OPCML: variants seen among roughly 807,000 people sequenced by gnomAD.
OPCML encodes the protein opioid-binding protein/cell adhesion molecule.
In OPCML, 13 loss-of-function variants were observed where a neutral mutation model predicts 37.8. That is an observed-to-expected ratio of 0.34 (90% CI 0.22 to 0.55). The LOEUF (loss-of-function observed/expected upper bound fraction) is 0.55, where lower values mean the gene tolerates loss of function less well. Among genes scored for constraint, OPCML ranks in the 20% least tolerant of loss-of-function variants. The probability of loss-of-function intolerance (pLI) is 0.91; values close to 1 mark genes in which losing one functional copy is unlikely to be tolerated. For synonymous variants in OPCML, 176 were observed against 168.8 expected (o/e 1.04, Z -0.33); for missense variants, 341 against 435.6 (o/e 0.78, Z 1.93).
At chr11:133,181,223 G>A (rs1161380670) in intron 1 of OPCML, among the ~76,000 whole-genome samples, 4 of 152,150 alleles carry the variant, frequency 2.6e-5, no homozygotes, top group African/African-American at 9.7e-5. Flanking sequence ...ACCTACACAT[G>A]AGAAAACTGC....
At position 133,198,020 on chromosome 11, in the gene OPCML, C is replaced by T. The variant is rs78741248; in HGVS notation, c.62-255010G>A. On this transcript the variant is annotated intron_variant, in intron 1 of 7. Transcript: ENST00000524381. ...AGACAGACGACCTATTTTCAAGGTACTCCTTCCCCTGTGTAAGGTCCACAC... is the reference window on the plus strand; with the variant it reads ...AGACAGACGACCTATTTTCAAGGTATTCCTTCCCCTGTGTAAGGTCCACAC... Among the ~76,000 whole-genome samples, 215 of 152,246 alleles carry T rather than the reference C, an allele frequency of 1.4e-3. 1 individual carries two copies. The highest frequency in any genetic ancestry group is 4.8e-3 in the African/African-American group (199 of 41,546).
At chr11:132,923,795 C>T (rs1321751648) in intron 2 of OPCML, among the ~76,000 whole-genome samples, 2 of 124,930 alleles carry the variant, frequency 1.6e-5, no homozygotes, top group African/African-American at 6.2e-5. Flanking sequence ...CAGAGTCTCA[C>T]TCTTGTTGCC....
At chr11:133,510,903 G>GCACACA (rs139570053) in intron 1 of OPCML, among the ~76,000 whole-genome samples, 28 of 147,534 alleles carry the variant, frequency 1.9e-4, no homozygotes, top group African/African-American at 6.6e-4. Flanking sequence ...ACACACACAC[G>GCACACA]CACACACACA....
At chr11:132,710,842 C>G (rs2846068) in intron 2 of OPCML, among the ~76,000 whole-genome samples, 115,429 of 151,746 alleles carry the variant, frequency 0.76, 44,059 homozygotes, top group Admixed American at 0.79. Flanking sequence ...ATGACAGAGA[C>G]AGACTCCAAC....
At chr11:132,715,694 T>A (rs1944446977) in intron 2 of OPCML, among the ~76,000 whole-genome samples, 1 of 152,192 alleles carries the variant, frequency 6.6e-6, no homozygotes, top group Admixed American at 6.5e-5. Flanking sequence ...TCAAGACACC[T>A]CAGCTACACT....
chr11:132,870,025 C>T (rs1942734022), intron 2 of OPCML, among the ~76,000 whole-genome samples: 2 of 151,674 alleles, frequency 1.3e-5, no homozygotes, highest in Admixed American at 1.3e-4. Flanking sequence ...CATGTAACGC[C>T]CCTTCCCTCC....
At chr11:132,896,211 G>GA (rs1366312890) in intron 2 of OPCML, among the ~76,000 whole-genome samples, 1 of 152,140 alleles carries the variant, frequency 6.6e-6, no homozygotes, top group East Asian at 1.9e-4. Flanking sequence ...AGGGAGATTG[G>GA]AAAGCTACAG....
Position 132,785,039 on chromosome 11 carries a change from C to T in OPCML, c.147-127720G>A, listed in dbSNP as rs116479270. Reference sequence around the variant, plus strand: ...ATATTTTATTTTCTTTTACATAATACTCCCAGAGGTTACACACTATTTTGA... The same window carrying T: ...ATATTTTATTTTCTTTTACATAATATTCCCAGAGGTTACACACTATTTTGA... On this transcript the variant is annotated intron_variant, in intron 2 of 7. Transcript: ENST00000524381. Among the ~76,000 whole-genome samples, 815 of 152,262 alleles carry T rather than the reference C, an allele frequency of 5.4e-3. 9 individuals are homozygous for T. The highest frequency in any genetic ancestry group is 0.018 in the African/African-American group (763 of 41,550).
At position 133,363,634 on chromosome 11, in the gene OPCML, G is replaced by A. The variant is rs148391422; in HGVS notation, c.61+168630C>T. Among the ~76,000 whole-genome samples the A allele has an allele frequency of 3.2e-3, 481 of 152,222 alleles. 2 individuals carry two copies. The highest frequency in any genetic ancestry group is 0.01 in the African/African-American group (417 of 41,536). On this transcript the variant is annotated intron_variant, in intron 1 of 7. Coordinates refer to ENST00000524381, the MANE Select transcript of OPCML (RefSeq NM_001012393.5). ...GTCTTTCCTATGCACGTGTGTTCTC[G>A]CACCTGCATGGAAAGCAACACCTCA...
At chr11:133,356,064 C>A (rs978979014) in intron 1 of OPCML, among the ~76,000 whole-genome samples, 2 of 152,038 alleles carry the variant, frequency 1.3e-5, no homozygotes, top group Non-Finnish European at 2.9e-5. Context: ...AATTGTAGAA[C>A]CAGGCAAAAA....
intron 1 of OPCML, among the ~76,000 whole-genome samples, chr11:133,262,397 A>C (rs1565536031): frequency 6.6e-6 from 1 of 152,256 alleles, no homozygotes; most frequent in African/African-American, 2.4e-5. Context: ...AGGTGTTTGT[A>C]GTACAGAGAA....
intron 1 of OPCML, among the ~76,000 whole-genome samples, chr11:133,078,790 T>C (rs1235958292): frequency 6.6e-6 from 1 of 152,174 alleles, no homozygotes; most frequent in African/African-American, 2.4e-5. Context: ...TTTAAGAATC[T>C]TGGCTGTCAC....
intron 2 of OPCML, among the ~76,000 whole-genome samples, chr11:132,803,553 G>C (rs965917501): frequency 2.0e-5 from 3 of 152,166 alleles, no homozygotes; most frequent in Non-Finnish European, 4.4e-5. Flanking sequence ...CATGGTGGGA[G>C]GGAACCAGAG....
At chr11:132,826,145 T>C (rs1171115076) in intron 2 of OPCML, among the ~76,000 whole-genome samples, 1 of 152,220 alleles carries the variant, frequency 6.6e-6, no homozygotes, top group African/African-American at 2.4e-5. Flanking sequence ...CAGATAATTA[T>C]GTGCACAGGT....
chr11:133,335,050 G>A (rs1943713455), intron 1 of OPCML, among the ~76,000 whole-genome samples: 1 of 152,168 alleles, frequency 6.6e-6, no homozygotes, highest in Admixed American at 6.5e-5. Context: ...TACTTTGCCG[G>A]GGGCTGTCCC....
At chr11:133,354,305 C>CATGTTG (rs1565588802) in intron 1 of OPCML, among the ~76,000 whole-genome samples, 27 of 9,530 alleles carry the variant, frequency 2.8e-3, no homozygotes, top group African/African-American at 4.3e-3. Flanking sequence ...GTGGTGGTGA[C>CATGTTG]GTGTTGGTAG....
chr11:133,445,911 G>T (rs1946465141), intron 1 of OPCML, among the ~76,000 whole-genome samples: 1 of 152,004 alleles, frequency 6.6e-6, no homozygotes, highest in African/African-American at 2.4e-5. Context: ...GAAGGAAGGG[G>T]GGGCTGCCAA....
intron 1 of OPCML, chr11:133,419,254 T>C (rs1441341583): frequency 1.0e-6 from 1 of 984,858 alleles, no homozygotes; most frequent in Non-Finnish European, 1.2e-6. Context: ...AGAGAGTATA[T>C]GAGTTTGGTT....
At chr11:132,978,000 C>T (rs141385672) in intron 1 of OPCML, among the ~76,000 whole-genome samples, 4 of 152,182 alleles carry the variant, frequency 2.6e-5, no homozygotes, top group African/African-American at 4.8e-5. Context: ...GTAAGAGCTG[C>T]TGAAAATGGT....
Sources: gnomAD v4.1 joint callset for allele counts (sites outside exome capture counted in the v4.1 genomes callset) on GRCh38, gnomAD v4.1.1 for gene constraint, MANE v1.5 for transcripts, NCBI Gene and HGNC (gene_info 2026-07-23, HGNC 2026-07-21) for gene names.